The following PSEN1 variants were observed in gnomAD, a reference collection of about 807,000 sequenced individuals.
PSEN1 encodes presenilin-1.
In PSEN1, 15 loss-of-function variants were observed where a neutral mutation model predicts 53.5. The ratio of observed to expected loss-of-function variants is 0.28; its 90% CI spans 0.19 to 0.43. The LOEUF (loss-of-function observed/expected upper bound fraction) is 0.43, where lower values mean the gene tolerates loss of function less well. Among genes scored for constraint, PSEN1 ranks in the 20% least tolerant of loss-of-function variants. The probability of loss-of-function intolerance (pLI) is 1.00; values close to 1 mark genes in which losing one functional copy is unlikely to be tolerated. For missense variants in PSEN1, 387 were observed against 571.2 expected (o/e 0.68, Z 3.29); for synonymous variants, 208 against 209.8 (o/e 0.99, Z 0.08).
chr14:73,210,182 G>A (rs1294847428), intron 9 of PSEN1, among the ~76,000 whole-genome samples: 1 of 152,150 alleles, frequency 6.6e-6, no homozygotes, highest in Non-Finnish European at 1.5e-5. Context: ...CTCTGTCAGA[G>A]CATTTCAGGA....
intron 3 of PSEN1, among the ~76,000 whole-genome samples, chr14:73,170,428 A>G (rs1015374471): frequency 3.3e-5 from 5 of 152,216 alleles, no homozygotes; most frequent in African/African-American, 1.2e-4. Flanking sequence ...AGTTCCTTGC[A>G]TATGTGGTCT....
At chr14:73,144,918 A>G (rs1215004450) in intron 1 of PSEN1, among the ~76,000 whole-genome samples, 1 of 152,124 alleles carries the variant, frequency 6.6e-6, no homozygotes, top group Non-Finnish European at 1.5e-5. Context: ...TTTGAGATGC[A>G]GTCTTGCTCT....
At chr14:73,164,864 A>G (rs898933669) in intron 3 of PSEN1, among the ~76,000 whole-genome samples, 2 of 135,260 alleles carry the variant, frequency 1.5e-5, no homozygotes, top group African/African-American at 2.5e-5. Flanking sequence ...TTTTATTTTC[A>G]TATATATATA....
intron 1 of PSEN1, among the ~76,000 whole-genome samples, chr14:73,139,595 A>AG (rs1419484695): frequency 1.3e-5 from 2 of 152,166 alleles, no homozygotes; most frequent in Non-Finnish European, 2.9e-5. Context: ...AAGAAAAAAA[A>AG]GGGGGGCAAA....
chr14:73,196,484 T>TG (rs1326745851), intron 7 of PSEN1, among the ~76,000 whole-genome samples: 1 of 145,878 alleles, frequency 6.9e-6, no homozygotes, highest in Admixed American at 6.8e-5. Flanking sequence ...ATTTTTTTTT[T>TG]TTTTTTTTTT....
intron 5 of PSEN1, among the ~76,000 whole-genome samples, chr14:73,176,880 G>GT (rs1489269028): frequency 6.6e-6 from 1 of 152,170 alleles, no homozygotes; most frequent in East Asian, 1.9e-4. Flanking sequence ...TAGCTATTAC[G>GT]TAAGATTCCT....
At chr14:73,200,711 A>AT (rs946222744) in intron 8 of PSEN1, among the ~76,000 whole-genome samples, 22 of 151,946 alleles carry the variant, frequency 1.4e-4, no homozygotes, top group African/African-American at 4.6e-4. Context: ...ATCCTTGTAG[A>AT]TTTTTTTTGC....
Position 73,170,910 on chromosome 14 carries a change from G to A in PSEN1, c.201G>A (p.Glu67=). 8.1e-6 allele frequency: 13 copies of A among 1,614,216 alleles called. No homozygotes were observed. The highest frequency in any genetic ancestry group is 1.1e-5 in the Non-Finnish European group (13 of 1,180,044). ...GNSRQVVEQD[E]EEDEELTLKY... ...CCCGGCAGGTGGTGGAGCAAGATGA[G>A]GAAGAAGATGAGGAGCTGACATTGA... The change falls in exon 4 of 12, where the codon GAG becomes GAA. Residue 67 remains glutamate (E), a synonymous_variant. Coordinates refer to ENST00000324501, the MANE Select transcript of PSEN1 (RefSeq NM_000021.4).
chr14:73,197,855 C>T (rs1283270074), intron 7 of PSEN1, 176 bp from the exon 8 acceptor site: 1 of 600,972 alleles, frequency 1.7e-6, no homozygotes, highest in Non-Finnish European at 2.9e-6. Flanking sequence ...TTTATGTTGT[C>T]TCCCCCACCC....
intron 3 of PSEN1, among the ~76,000 whole-genome samples, chr14:73,167,161 T>C (rs1897742840): frequency 6.6e-6 from 1 of 152,194 alleles, no homozygotes; most frequent in Non-Finnish European, 1.5e-5. Context: ...CAGCACCTGA[T>C]TATGCCATGG....
chr14:73,183,937 C>A (rs1332009378), intron 5 of PSEN1, among the ~76,000 whole-genome samples: 1 of 143,566 alleles, frequency 7.0e-6, no homozygotes, highest in African/African-American at 2.7e-5. Context: ...CTGACCCCCC[C>A]ACCTCCCTCC....
chr14:73,175,488 A>G (rs2140048508), intron 5 of PSEN1, among the ~76,000 whole-genome samples: 1 of 152,300 alleles, frequency 6.6e-6, no homozygotes, highest in Admixed American at 6.5e-5. Flanking sequence ...CAAAAAAAAA[A>G]AAAATTAACT....
chr14:73,173,501 G>A, intron 4 of PSEN1, 65 bp from the exon 5 acceptor site: 1 of 1,483,208 alleles, frequency 6.7e-7, no homozygotes, highest in Non-Finnish European at 9.4e-7. Context: ...TGTGTTGGAG[G>A]TGGTAATGTG....
intron 1 of PSEN1, among the ~76,000 whole-genome samples, chr14:73,139,647 AAT>A (rs1295291965): frequency 6.6e-6 from 1 of 152,220 alleles, no homozygotes; most frequent in Non-Finnish European, 1.5e-5. Context: ...ATTTTAACAC[AAT>A]ATACCTAACA....
intron 11 of PSEN1, 95 bp downstream of exon 11, chr14:73,217,339 G>A: frequency 6.9e-7 from 1 of 1,441,908 alleles, no homozygotes; most frequent in Non-Finnish European, 9.7e-7. Flanking sequence ...ACCCCAGGTG[G>A]GTTAAATATT....
intron 1 of PSEN1, among the ~76,000 whole-genome samples, chr14:73,141,531 G>C (rs1448662668): frequency 6.6e-6 from 1 of 152,126 alleles, no homozygotes; most frequent in Non-Finnish European, 1.5e-5. Context: ...AGTGGCTCAC[G>C]CCTGTAATCC....
chr14:73,178,978 A>C (rs980078615), intron 5 of PSEN1, among the ~76,000 whole-genome samples: 1 of 152,132 alleles, frequency 6.6e-6, no homozygotes, highest in African/African-American at 2.4e-5. Flanking sequence ...TGTACTGTTG[A>C]GGATCATATC....
chr14:73,174,818 T>C (rs990842006), intron 5 of PSEN1, among the ~76,000 whole-genome samples: 2 of 152,124 alleles, frequency 1.3e-5, no homozygotes, highest in Non-Finnish European at 2.9e-5. Context: ...AGTCGGGCGC[T>C]GGGAGGTTGT....
intron 1 of PSEN1, among the ~76,000 whole-genome samples, chr14:73,143,140 G>C (rs1337947645): frequency 6.6e-6 from 1 of 152,180 alleles, no homozygotes; most frequent in Non-Finnish European, 1.5e-5. Context: ...ATCCTCAATT[G>C]TTTTCAGCTG....
Sources: allele counts gnomAD v4.1 joint callset (sites outside exome capture counted in the v4.1 genomes callset), GRCh38; gene constraint gnomAD v4.1.1; transcripts MANE v1.5; gene names NCBI Gene and HGNC (gene_info 2026-07-23, HGNC 2026-07-21).